SEPTIN5: variants seen among roughly 807,000 people sequenced by gnomAD.
SEPTIN5 encodes septin-5.
SEPTIN5 carries 16 observed loss-of-function variants against 51.2 expected under a neutral mutation model. The ratio of observed to expected loss-of-function variants is 0.31; its 90% confidence interval spans 0.21 to 0.47. The LOEUF (loss-of-function observed/expected upper bound fraction) is 0.47. SEPTIN5 is among the 20% of genes least tolerant of loss of function. The pLI is 0.99. For synonymous variants in SEPTIN5, 208 were observed against 191.2 expected, an observed-to-expected ratio of 1.09 and a Z score of -0.72; for missense variants, 376 against 500.3, an observed-to-expected ratio of 0.75 and a Z score of 2.37.
chr22:19,722,214 A>ACCACCCCCCC, intron 10 of SEPTIN5, 23 bp from the exon 11 acceptor site: 1 of 903,764 alleles, frequency 1.1e-6, no homozygotes, highest in Non-Finnish European at 1.7e-6. Flanking sequence ...CGCCCCGCCC[A>ACCACCCCCCC]TCCTCCCCCC....
Position 19,714,890 on chromosome 22 carries a change from C to A in SEPTIN5, c.54+99C>A. ...CGCCCAGGCGCGACCCCGCCCCCGC[C>A]GGCCCTCACCCAGCCCTGTCGCGAT... is the stretch of plus-strand genomic sequence containing the variant. On this transcript the variant is annotated intron_variant, in intron 2 of 11. Transcript: ENST00000455784. This position sits in a 1 kb window ranked among gnomAD's most constrained non-coding sequence, Gnocchi z 5.2. The A allele has an allele frequency of 1.4e-6, 2 of 1,418,580 alleles. No individual in the cohort carries two copies. The highest frequency in any genetic ancestry group is 2.2e-4 in the Middle Eastern group (1 of 4,504). The allele number at this position is 1,418,580 out of a possible 1,614,324, so 87.9% of individuals were successfully genotyped here. A position where few individuals can be genotyped will look rare whatever the true frequency, so the allele number is the denominator to read the frequency against.
At chr22:19,715,625 G>T (rs1043520148) in intron 2 of SEPTIN5, among the ~76,000 whole-genome samples, 4 of 152,240 alleles carry the variant, frequency 2.6e-5, no homozygotes, top group Non-Finnish European at 4.4e-5. Flanking sequence ...TCTGGCACCA[G>T]GGTGGCACTG....
At chr22:19,718,592 A>T in intron 2 of SEPTIN5, 1 of 1,290,712 alleles carries the variant, frequency 7.7e-7, no homozygotes, top group South Asian at 3.3e-5. Context: ...TGCCCTGTCC[A>T]GGCCTCACTT....
At chr22:19,718,449 C>T (rs1935951242) in intron 2 of SEPTIN5, 1 of 1,111,548 alleles carries the variant, frequency 9.0e-7, no homozygotes, top group Admixed American at 5.1e-5. Flanking sequence ...GCCTGCGACG[C>T]CCCGCCTCTG....
chr22:19,719,509 C>T (rs1323894233), intron 2 of SEPTIN5, 93 bp from the exon 3 acceptor site: 19 of 1,020,478 alleles, frequency 1.9e-5, no homozygotes, highest in African/African-American at 3.2e-5. Context: ...ACCGTACCCT[C>T]TGCTGTCTCC....
intron 2 of SEPTIN5, chr22:19,717,280 G>C (rs770385748): frequency 2.1e-6 from 1 of 470,454 alleles, no homozygotes; most frequent in South Asian, 1.5e-5. Flanking sequence ...CAGGCCCCAT[G>C]TCCTGCTCCG....
At chr22:19,718,836 G>A (rs1601240226) in intron 2 of SEPTIN5, 8 of 1,235,856 alleles carry the variant, frequency 6.5e-6, no homozygotes, top group Non-Finnish European at 8.1e-6. Flanking sequence ...TGTGGAGAGG[G>A]CGGAACGTGG....
At position 19,719,993 on chromosome 22, in the gene SEPTIN5, C is replaced by T. The variant is rs533869226; in HGVS notation, c.238+101C>T. The stretch of plus-strand genomic sequence containing the variant: ...GGTCCAGCTCCCACTGTTCTGTTCT[C>T]GCGGTGTGGGTCCCCTGGGGGTAGG... On this transcript the variant is annotated intron_variant, in intron 4 of 11. Coordinates refer to ENST00000455784, the MANE Select transcript of SEPTIN5 (RefSeq NM_002688.6). 3.0e-4 allele frequency: 472 copies of T among 1,598,676 alleles called. 2 individuals carry two copies. In the African/African-American group the frequency reaches 4.8e-3, roughly 16 times the overall value.
chr22:19,722,216 C>T (rs773145378), intron 10 of SEPTIN5, 21 bp from the exon 11 acceptor site: 4 of 1,251,384 alleles, frequency 3.2e-6, no homozygotes, highest in Non-Finnish European at 3.4e-6. Flanking sequence ...CCCCGCCCAT[C>T]CTCCCCCCCG....
rs1371556746 is a variant in SEPTIN5 at position 19,723,286 on chromosome 22, T to G, written c.*802T>G. ...CTTCCGTTGTGAATGCCGCGTCCTG[T>G]CCTGGTGACAGGAGAACAATGTTGG... On this transcript the variant is annotated 3_prime_UTR_variant, in exon 12 of 12. Coordinates refer to ENST00000455784, the MANE Select transcript of SEPTIN5 (RefSeq NM_002688.6). 1 of 695,154 alleles carries G rather than the reference T, an allele frequency of 1.4e-6. No individual in the cohort carries two copies. The highest frequency in any genetic ancestry group is 2.6e-6 in the Non-Finnish European group (1 of 380,526). 43.1% of individuals were successfully genotyped at this position (695,154 alleles called of 1,614,324 possible). A position where few individuals can be genotyped will look rare whatever the true frequency, so the allele number is the denominator to read the frequency against.
Position 19,722,266 on chromosome 22 carries a change from G to GC in SEPTIN5, c.984dup (p.Ile329HisfsTer14). On this transcript the variant is annotated frameshift_variant, in exon 11 of 12. Transcript: ENST00000455784. LOFTEE classifies it high-confidence loss of function. ...CTGACCCAGGACAGCCGCATGGAGA[G>GC]CCCCATCCCGATCCTGCCGCTGCCC... The GC allele has an allele frequency of 6.2e-7, 1 of 1,610,394 alleles. No homozygotes were observed. Among genetic ancestry groups the GC allele is most frequent in the Non-Finnish European group, 8.5e-7 (1 of 1,179,020 alleles).
rs1345194413 is a variant in SEPTIN5, at chr22:19,714,759, G to T, written c.44-22G>T. 2.5e-6 allele frequency: 4 copies of T among 1,580,030 alleles called. No individual in the cohort carries two copies. In the South Asian group the frequency reaches 4.5e-5, roughly 18 times the overall value. On this transcript the variant is annotated intron_variant, in intron 1 of 11. Coordinates refer to ENST00000455784, the MANE Select transcript of SEPTIN5 (RefSeq NM_002688.6). The surrounding 1 kb of genome is among the most constrained non-coding windows in gnomAD (Gnocchi z 5.2). ...CCCGCTCGGAACCGGACCCGGACTCGACCCCGACCCCGACCCCGCAGAGGA... is the reference window on the plus strand; with the variant it reads ...CCCGCTCGGAACCGGACCCGGACTCTACCCCGACCCCGACCCCGCAGAGGA...
Position 19,720,651 on chromosome 22 carries a change from G to C in SEPTIN5, c.600G>C (p.Arg200=), listed in dbSNP as rs1474051364. 3 of 1,612,842 alleles carry C rather than the reference G, an allele frequency of 1.9e-6. No individual in the cohort carries two copies. In the Admixed American group the frequency reaches 5.0e-5, roughly 27 times the overall value. The part of the protein sequence containing the change: ...KADCLVPSEI[R]KLKERIREEI... Reference sequence around the variant, plus strand: ...ACTGTCTTGTCCCCAGTGAGATCCGGAAGCTGAAGGAGCGGGTGAGCCTGC... The same window carrying C: ...ACTGTCTTGTCCCCAGTGAGATCCGCAAGCTGAAGGAGCGGGTGAGCCTGC... Residue 200 remains arginine (R), a synonymous_variant, in exon 7 of 12, where the codon CGG becomes CGC. Coordinates refer to ENST00000455784, the MANE Select transcript of SEPTIN5 (RefSeq NM_002688.6).
chr22:19,715,123 C>G (rs1415210518), intron 2 of SEPTIN5, among the ~76,000 whole-genome samples: 1 of 152,244 alleles, frequency 6.6e-6, no homozygotes, highest in Non-Finnish European at 1.5e-5. Context: ...TGGGTGAGGC[C>G]ATGGTCGTGG....
intron 2 of SEPTIN5, among the ~76,000 whole-genome samples, chr22:19,716,417 C>T (rs558582486): frequency 2.8e-4 from 43 of 152,348 alleles, no homozygotes; most frequent in Non-Finnish European, 4.9e-4. Flanking sequence ...CAGGCAGCAC[C>T]GGTGATCTCT....
chr22:19,721,861 A>C lies in SEPTIN5; in HGVS notation c.854A>C (p.Asn285Thr). The change falls in exon 10 of 12, where the codon AAC becomes ACC. Residue 285 changes from asparagine to threonine, a missense_variant. Asn to Thr is a moderately conservative substitution (Grantham distance 65). Coordinates refer to ENST00000455784, the MANE Select transcript of SEPTIN5 (RefSeq NM_002688.6). Reference protein sequence around the residue: ...QAHCDFVKLRNMLIRTHMHDL... With the variant: ...QAHCDFVKLRTMLIRTHMHDL... ...CATTGCGACTTCGTGAAGCTGCGCA[A>C]CATGCTCATCCGCACGCATATGCAC... 1 of 1,611,788 alleles carries C rather than the reference A, an allele frequency of 6.2e-7. No individual in the cohort carries two copies. The highest frequency in any genetic ancestry group is 8.5e-7 in the Non-Finnish European group (1 of 1,179,174).
At chr22:19,717,180 C>CGGGGG (rs1935922774) in intron 2 of SEPTIN5, 1 of 187,188 alleles carries the variant, frequency 5.3e-6, no homozygotes, top group African/African-American at 8.9e-5. Flanking sequence ...GGGCTGGTGG[C>CGGGGG]GGGTGGGGTG....
In SEPTIN5 at chr22:19,722,692, G is replaced by A. The variant is rs557589037; in HGVS notation, c.*208G>A. On this transcript the variant is annotated 3_prime_UTR_variant, in exon 12 of 12. Transcript: ENST00000455784. ...CAGCTGGCCCTCTCTGACCTTGGGG[G>A]ATCAGGAGCGAAGTTGGGCGGGACT... 2.5e-5 allele frequency: 15 copies of A among 608,030 alleles called. No individual in the cohort carries two copies. Among genetic ancestry groups the A allele is most frequent in the Non-Finnish European group, 3.4e-5 (12 of 348,062 alleles). 37.7% of individuals were successfully genotyped at this position (608,030 alleles called of 1,614,324 possible).
chr22:19,717,214 T>G, intron 2 of SEPTIN5: 1 of 442,270 alleles, frequency 2.3e-6, no homozygotes, highest in East Asian at 7.2e-5. Flanking sequence ...GCCTCCAGCT[T>G]CTAATGTTCT....
Sources: gnomAD v4.1 joint callset for allele counts (sites outside exome capture counted in the v4.1 genomes callset) on GRCh38, gnomAD v4.1.1 for gene constraint, Gnocchi (gnomAD v3.1) non-coding constraint, MANE v1.5 for transcripts, NCBI Gene and HGNC (gene_info 2026-07-23, HGNC 2026-07-21) for gene names.